Variants in TNS1 observed in about 807,000 individuals in gnomAD.
TNS1 encodes tensin 1, also known as tensin-1.
In TNS1, 62 loss-of-function variants were observed where a neutral mutation model predicts 168.6. That is an observed-to-expected ratio of 0.37 (90% CI 0.30 to 0.45). The LOEUF (loss-of-function observed/expected upper bound fraction) is 0.45, where lower values mean the gene tolerates loss of function less well. Among genes scored for constraint, TNS1 ranks in the 20% least tolerant of loss-of-function variants. The pLI is 1.00. For synonymous variants in TNS1, 934 were observed against 933.2 expected, an observed-to-expected ratio of 1.00 and a Z score of -0.02; for missense variants, 2,240 against 2,339.4, an observed-to-expected ratio of 0.96 and a Z score of 0.88.
intron 1 of TNS1, among the ~76,000 whole-genome samples, chr2:218,030,953 G>A (rs570294938): frequency 2.0e-5 from 3 of 152,230 alleles, no homozygotes; most frequent in African/African-American, 7.2e-5. Flanking sequence ...GAGTGTGTAT[G>A]TGTGTGAGCA....
intron 3 of TNS1, among the ~76,000 whole-genome samples, chr2:217,947,695 C>T (rs928602550): frequency 4.6e-5 from 7 of 152,054 alleles, no homozygotes; most frequent in Admixed American, 6.5e-5. Flanking sequence ...AGAAGAAAGG[C>T]GAGGAGAAAG....
In TNS1 at chr2:217,995,355, A is replaced by G. The variant is rs1243187237; in HGVS notation, c.34-4299T>C. Among the ~76,000 whole-genome samples, 1 of 152,212 alleles carries G rather than the reference A, an allele frequency of 6.6e-6. No individual in the cohort carries two copies. Among genetic ancestry groups the G allele is most frequent in the Non-Finnish European group, 1.5e-5 (1 of 68,040 alleles). The stretch of plus-strand genomic sequence containing the variant: ...AATATATGAAGGAACAGTTATTGTA[A>G]GTAGGCACCAGACATCATCTGAAGT... On this transcript the variant is annotated intron_variant, in intron 1 of 32. Coordinates refer to ENST00000682258, the MANE Select transcript of TNS1 (RefSeq NM_001387777.1). This position sits in a 1 kb window ranked among gnomAD's most constrained non-coding sequence, Gnocchi z 4.1.
In TNS1 at chr2:217,993,187, G is replaced by T. The variant is rs185996625; in HGVS notation, c.34-2131C>A. Among the ~76,000 whole-genome samples, 49 of 152,280 alleles carry T rather than the reference G, an allele frequency of 3.2e-4. 1 individual carries two copies. Among genetic ancestry groups the T allele is most frequent in the Non-Finnish European group, 5.7e-4 (39 of 68,022 alleles). The stretch of plus-strand genomic sequence containing the variant: ...TATATAAGTACTCTCTATAGTGCTT[G>T]CACAATGACAAAATCCCCCAACAAC... On this transcript the variant is annotated intron_variant, in intron 1 of 32. Coordinates refer to ENST00000682258, the MANE Select transcript of TNS1 (RefSeq NM_001387777.1).
chr2:218,032,120 G>C lies in TNS1; in HGVS notation c.156+1700C>G, dbSNP rs1186557153. On this transcript the variant is annotated intron_variant, in intron 1 of 1. Coordinates refer to the TNS1 transcript ENST00000649572. The surrounding 1 kb of genome is among the most constrained non-coding windows in gnomAD (Gnocchi z 4.0). Reference sequence around the variant, plus strand: ...ATGTGGGACCATAGGAGGGCTCAGGGTGTAGGGCAGTTGTGGGACCTAGAG... The same window carrying C: ...ATGTGGGACCATAGGAGGGCTCAGGCTGTAGGGCAGTTGTGGGACCTAGAG... 6.6e-6 allele frequency among the ~76,000 whole-genome samples: 1 copy of C among 152,244 alleles called. No individual in the cohort carries two copies. The highest frequency in any genetic ancestry group is 2.4e-5 in the African/African-American group (1 of 41,454).
At chr2:217,928,672 A>G (rs1360405010) in intron 3 of TNS1, among the ~76,000 whole-genome samples, 3 of 152,036 alleles carry the variant, frequency 2.0e-5, no homozygotes, top group East Asian at 3.9e-4. Flanking sequence ...CTGACTCACC[A>G]AGGCCCCAGG....
chr2:217,903,523 G>A, intron 6 of TNS1: 1 of 1,485,368 alleles, frequency 6.7e-7, no homozygotes, highest in African/African-American at 1.4e-5. Flanking sequence ...CTTCTTCCTG[G>A]CTCCTCTCAA....
intron 3 of TNS1, among the ~76,000 whole-genome samples, chr2:217,950,107 T>C (rs1957205364): frequency 6.6e-6 from 1 of 152,152 alleles, no homozygotes; most frequent in South Asian, 2.1e-4. Flanking sequence ...CTGTACCCTA[T>C]AAGCCAAAGA....
At chr2:218,031,522 TGTGA>T (rs1240866766) in intron 1 of TNS1, among the ~76,000 whole-genome samples, 1 of 135,046 alleles carries the variant, frequency 7.4e-6, no homozygotes, top group Non-Finnish European at 1.6e-5. Context: ...GTGTGTCTTG[TGTGA>T]GTGTGTGTGT....
At position 218,002,986 on chromosome 2, in the gene TNS1, G is replaced by A. The variant is rs964850995; in HGVS notation, c.-114C>T. 38 of 452,726 alleles carry A rather than the reference G, an allele frequency of 8.4e-5. No individual in the cohort carries two copies. Among genetic ancestry groups the A allele is most frequent in the South Asian group, 3.1e-4 (20 of 64,270 alleles). The allele number at this position is 452,726 out of a possible 1,614,324, so 28.0% of individuals were successfully genotyped here. On this transcript the variant is annotated 5_prime_UTR_variant, in exon 1 of 33. Transcript: ENST00000682258. Reference sequence around the variant, plus strand: ...CTGAGTCCGCGGCTGCTCCGGCTCCGCCAGCATCTGCTGGGCCTCTCGCCC... The same window carrying A: ...CTGAGTCCGCGGCTGCTCCGGCTCCACCAGCATCTGCTGGGCCTCTCGCCC...
intron 2 of TNS1, among the ~76,000 whole-genome samples, chr2:217,985,993 A>AC (rs1958184531): frequency 6.6e-6 from 1 of 151,982 alleles, no homozygotes; most frequent in Admixed American, 6.6e-5. Flanking sequence ...TCCTCCAAAA[A>AC]CCTTACAGCT....
chr2:217,893,008 T>C lies in TNS1; in HGVS notation c.722A>G (p.Asn241Ser). Residue 241 changes from asparagine to serine, a missense_variant, in exon 11 of 33, where the codon AAC becomes AGC. Asn to Ser is a conservative substitution (Grantham distance 46). Transcript: ENST00000682258. ...GATGACAACTCCTATCCTGCCTCGG[T>C]TTCCCTGAAAGAGCCCCAAACACAA... ...HNVVVLHNKG[N>S]RGRIGVVIAA... 1 of 1,614,124 alleles carries C rather than the reference T, an allele frequency of 6.2e-7. No homozygotes were observed. Among genetic ancestry groups the C allele is most frequent in the Non-Finnish European group, 8.5e-7 (1 of 1,180,000 alleles).
intron 3 of TNS1, among the ~76,000 whole-genome samples, chr2:217,971,503 G>C (rs978935064): frequency 1.3e-5 from 2 of 152,130 alleles, no homozygotes; most frequent in Non-Finnish European, 2.9e-5. Flanking sequence ...TCCAGTTTGG[G>C]GCTATTGGAA....
At chr2:217,809,492 C>CATGGATGGATGGATGGATGGATGG (rs1940288514) in intron 30 of TNS1, among the ~76,000 whole-genome samples, 1 of 4,420 alleles carries the variant, frequency 2.3e-4, no homozygotes, top group Non-Finnish European at 4.0e-4. Flanking sequence ...TGGATGGATG[C>CATGGATGGATGGATGGATGGATGG]ATGGATGGAT....
At chr2:217,805,565 C>CTACG (rs1938653872) in intron 32 of TNS1, among the ~76,000 whole-genome samples, 4 of 89,552 alleles carry the variant, frequency 4.5e-5, no homozygotes, top group Non-Finnish European at 7.2e-5. Context: ...ACACACACCA[C>CTACG]CACACACACC....
At chr2:217,839,171 G>A (rs1418744091) in intron 19 of TNS1, among the ~76,000 whole-genome samples, 1 of 152,166 alleles carries the variant, frequency 6.6e-6, no homozygotes, top group Non-Finnish European at 1.5e-5. Context: ...TCTAGGGCCA[G>A]CCCCTACCCC....
intron 3 of TNS1, among the ~76,000 whole-genome samples, chr2:217,961,013 T>C (rs1957482520): frequency 6.6e-6 from 1 of 151,968 alleles, no homozygotes; most frequent in African/African-American, 2.4e-5. Context: ...CTTTGGGATG[T>C]ATGTAGGGTT....
Position 217,818,302 on chromosome 2 carries a change from T to C in TNS1, c.4030A>G (p.Thr1344Ala), listed in dbSNP as rs753110853. 1 of 1,610,064 alleles carries C rather than the reference T, an allele frequency of 6.2e-7. No homozygotes were observed. The highest frequency in any genetic ancestry group is 8.5e-7 in the Non-Finnish European group (1 of 1,178,766). Residue 1344 changes from threonine to alanine, a missense_variant, in exon 24 of 33, where the codon ACC becomes GCC. Coordinates refer to ENST00000682258, the MANE Select transcript of TNS1 (RefSeq NM_001387777.1). ...VSSPQSSAAT[T>A]PGSPSLCRHP... ...CGACACAGGCTGGGGCTCCCCGGGG[T>C]GGTCGCTGCACTGCTCTGGGGGCTG... is the stretch of plus-strand genomic sequence containing the variant.
At chr2:217,977,866 G>A (rs1180685059) in intron 3 of TNS1, among the ~76,000 whole-genome samples, 1 of 152,168 alleles carries the variant, frequency 6.6e-6, no homozygotes, top group East Asian at 1.9e-4. Context: ...AGCAAACGTA[G>A]GGAGTGAAAG....
chr2:217,992,386 C>G (rs1056828927), intron 1 of TNS1: 1 of 152,270 alleles, frequency 6.6e-6, no homozygotes, highest in Non-Finnish European at 1.5e-5. Context: ...CTGTTCCCCT[C>G]CTTGCACCTG....
Sources: allele counts gnomAD v4.1 joint callset (sites outside exome capture counted in the v4.1 genomes callset), GRCh38; gene constraint gnomAD v4.1.1; non-coding constraint Gnocchi (gnomAD v3.1); transcripts MANE v1.5; gene names NCBI Gene and HGNC (gene_info 2026-07-23, HGNC 2026-07-21).